VAV3: variants seen among roughly 807,000 people sequenced by gnomAD.
The protein encoded by VAV3 is vav guanine nucleotide exchange factor 3.
Under a neutral mutation model 131.2 loss-of-function variants are expected in VAV3, and 94 were observed. The ratio of observed to expected loss-of-function variants is 0.72; its 90% CI spans 0.61 to 0.85. The LOEUF (loss-of-function observed/expected upper bound fraction) is 0.85. Among genes scored for constraint, VAV3 ranks in the 40% least tolerant of loss-of-function variants. VAV3 has a pLI of 0.00. For missense variants in VAV3, 939 were observed against 1,002.7 expected, an observed-to-expected ratio of 0.94 and a Z score of 0.86; for synonymous variants, 349 against 342.0, an observed-to-expected ratio of 1.02 and a Z score of -0.22.
At chr1:107,707,215 G>T (rs1293415081) in intron 15 of VAV3, among the ~76,000 whole-genome samples, 1 of 152,118 alleles carries the variant, frequency 6.6e-6, no homozygotes, top group African/African-American at 2.4e-5. Context: ...TTAAAATCTA[G>T]AATCAAACAC....
chr1:107,719,335 T>C (rs985272065), intron 15 of VAV3, among the ~76,000 whole-genome samples: 2 of 152,174 alleles, frequency 1.3e-5, no homozygotes, highest in Admixed American at 1.3e-4. Context: ...GTCTAGAATC[T>C]ACAAAGAACT....
rs557642754 is a variant in VAV3, at chr1:107,836,140, A to C, written c.321+38761T>G. On this transcript the variant is annotated intron_variant, in intron 2 of 26. Transcript: ENST00000370056. ...AGATCATCGAGGCAGAAACCTAACA[A>C]AGAAATTATGGACTTAAACTTAACA... Among the ~76,000 whole-genome samples, 3 of 152,338 alleles carry C rather than the reference A, an allele frequency of 2.0e-5. No homozygotes were observed. In the South Asian group the frequency reaches 6.2e-4, roughly 32 times the overall value.
At chr1:107,672,599 G>A (rs1370316213) in intron 19 of VAV3, among the ~76,000 whole-genome samples, 2 of 151,086 alleles carry the variant, frequency 1.3e-5, no homozygotes, top group African/African-American at 4.9e-5. Flanking sequence ...AAATACACCA[G>A]AAAAAAAATA....
chr1:107,730,735 T>C (rs1169526381), intron 15 of VAV3, among the ~76,000 whole-genome samples: 4 of 152,146 alleles, frequency 2.6e-5, no homozygotes, highest in Non-Finnish European at 5.9e-5. Context: ...AGTGCAAGTA[T>C]TTAAACTCTA....
At chr1:107,812,016 G>A (rs1211565387) in intron 2 of VAV3, among the ~76,000 whole-genome samples, 1 of 151,832 alleles carries the variant, frequency 6.6e-6, no homozygotes, top group African/African-American at 2.4e-5. Context: ...GTCTAGTTTG[G>A]GAAAAAATGA....
rs1017885027 is a variant in VAV3 at position 107,899,285 on chromosome 1, A to C, written c.205-24268T>G. Among the ~76,000 whole-genome samples the C allele has an allele frequency of 1.8e-4, 28 of 152,254 alleles. No individual in the cohort carries two copies. In the East Asian group the frequency reaches 5.0e-3, roughly 27 times the overall value. The stretch of plus-strand genomic sequence containing the variant: ...GGCACAGTCATAGAGATATATTAAT[A>C]AAAAAATGTCTGGGCTGAGCCAACA... On this transcript the variant is annotated intron_variant, in intron 1 of 26. Coordinates refer to ENST00000370056, the MANE Select transcript of VAV3 (RefSeq NM_006113.5).
At chr1:107,576,640 C>G (rs1481564418) in intron 25 of VAV3, among the ~76,000 whole-genome samples, 2 of 152,134 alleles carry the variant, frequency 1.3e-5, no homozygotes, top group African/African-American at 4.8e-5. Context: ...CAATTCAGAG[C>G]TGTCTATCCT....
At chr1:107,796,176 G>C (rs1309272192) in intron 2 of VAV3, among the ~76,000 whole-genome samples, 1 of 151,976 alleles carries the variant, frequency 6.6e-6, no homozygotes. Context: ...CAACCAGCAT[G>C]AGACTGCACA....
Position 107,844,301 on chromosome 1 carries a change from T to C in VAV3, c.321+30600A>G, listed in dbSNP as rs80350376. On this transcript the variant is annotated intron_variant, in intron 2 of 26. Transcript: ENST00000370056. ...TGCTATCCGGCCCAGATACTATGTTTTTCCCACTATCTTCGCAACCCAAAG... is the reference window on the plus strand; with the variant it reads ...TGCTATCCGGCCCAGATACTATGTTCTTCCCACTATCTTCGCAACCCAAAG... 5.9e-3 allele frequency among the ~76,000 whole-genome samples: 894 copies of C among 152,260 alleles called. 5 individuals carry two copies. The highest frequency in any genetic ancestry group is 0.014 in the Middle Eastern group (4 of 294).
intron 22 of VAV3, 83 bp downstream of exon 22, chr1:107,609,848 G>A: frequency 7.2e-7 from 1 of 1,379,464 alleles, no homozygotes; most frequent in Non-Finnish European, 1.0e-6. Context: ...ATGGAATATG[G>A]TTTACTACCC....
chr1:107,925,401 C>A (rs138049298), intron 1 of VAV3, among the ~76,000 whole-genome samples: 1 of 152,052 alleles, frequency 6.6e-6, no homozygotes, highest in Non-Finnish European at 1.5e-5. Flanking sequence ...GCATTACTCA[C>A]GATGGCCAAA....
chr1:107,959,812 C>A (rs377325463), intron 1 of VAV3, among the ~76,000 whole-genome samples: 2 of 152,306 alleles, frequency 1.3e-5, no homozygotes, highest in East Asian at 3.9e-4. Context: ...CTACTAGGCA[C>A]TTCAATCATA....
intron 2 of VAV3, among the ~76,000 whole-genome samples, chr1:107,858,493 A>C (rs1669581593): frequency 6.6e-6 from 1 of 152,200 alleles, no homozygotes; most frequent in Admixed American, 6.5e-5. Flanking sequence ...TCTGGTACAC[A>C]GCAGGAGGTG....
chr1:107,907,687 G>GCTCT (rs146500892), intron 1 of VAV3, among the ~76,000 whole-genome samples: 3 of 149,360 alleles, frequency 2.0e-5, no homozygotes, highest in Non-Finnish European at 4.5e-5. Flanking sequence ...ACACACACGC[G>GCTCT]CTCTCTCTCT....
chr1:107,943,140 T>TA (rs1413172272), intron 1 of VAV3, among the ~76,000 whole-genome samples: 1 of 152,210 alleles, frequency 6.6e-6, no homozygotes, highest in African/African-American at 2.4e-5. Flanking sequence ...CTCCTACTCT[T>TA]AGAGTCTTGG....
At chr1:107,724,327 T>A (rs982997643) in intron 15 of VAV3, among the ~76,000 whole-genome samples, 7 of 151,860 alleles carry the variant, frequency 4.6e-5, no homozygotes, top group African/African-American at 1.7e-4. Flanking sequence ...CCTAGATTAC[T>A]GTAGTGTATA....
intron 1 of VAV3, among the ~76,000 whole-genome samples, chr1:107,926,742 G>A (rs1388048782): frequency 1.3e-5 from 2 of 152,188 alleles, no homozygotes; most frequent in Admixed American, 6.5e-5. Context: ...CATGAAGGGA[G>A]TATTTAAACC....
intron 10 of VAV3, among the ~76,000 whole-genome samples, chr1:107,760,319 T>C (rs1396369592): frequency 6.6e-6 from 1 of 152,096 alleles, no homozygotes; most frequent in Non-Finnish European, 1.5e-5. Flanking sequence ...CAAGAATCAC[T>C]TCAAAATAAA....
At chr1:107,688,804 T>C (rs1047756649) in intron 17 of VAV3, among the ~76,000 whole-genome samples, 1 of 152,210 alleles carries the variant, frequency 6.6e-6, no homozygotes, top group Non-Finnish European at 1.5e-5. Context: ...CTAACAAAGG[T>C]ACTGCATTGA....
Sources: allele counts gnomAD v4.1 joint callset (sites outside exome capture counted in the v4.1 genomes callset), GRCh38; gene constraint gnomAD v4.1.1; transcripts MANE v1.5; gene names NCBI Gene and HGNC (gene_info 2026-07-23, HGNC 2026-07-21).